Variants in DNAJC8 observed in about 807,000 individuals in gnomAD.
The protein encoded by DNAJC8 is DnaJ heat shock protein family (Hsp40) member C8.
A neutral mutation model predicts 43.2 loss-of-function variants in DNAJC8; 24 were observed. That is an observed-to-expected ratio of 0.56 (90% CI 0.40 to 0.78). DNAJC8 has a LOEUF of 0.78. DNAJC8 is among the 30% of genes least tolerant of loss of function. DNAJC8 has a pLI of 0.00. For synonymous variants in DNAJC8, 83 were observed against 98.0 expected (o/e 0.85, Z 0.90); for missense variants, 207 against 299.4 (o/e 0.69, Z 2.28).
intron 1 of DNAJC8, among the ~76,000 whole-genome samples, chr1:28,232,128 G>T (rs1646980485): frequency 6.6e-6 from 1 of 151,672 alleles, no homozygotes; most frequent in African/African-American, 2.4e-5. Context: ...AAAATGGAGT[G>T]CAGTGGTCCG....
intron 8 of DNAJC8, among the ~76,000 whole-genome samples, chr1:28,203,052 C>T (rs1279864560): frequency 6.6e-6 from 1 of 152,236 alleles, no homozygotes; most frequent in Admixed American, 6.5e-5. Flanking sequence ...CCCCCCAAAA[C>T]TTGGATGGCT....
intron 3 of DNAJC8, among the ~76,000 whole-genome samples, chr1:28,211,941 A>G (rs1363294960): frequency 1.3e-5 from 2 of 151,608 alleles, no homozygotes; most frequent in Non-Finnish European, 2.9e-5. Context: ...AGATCACTTG[A>G]GGTCAGGAGT....
intron 7 of DNAJC8, among the ~76,000 whole-genome samples, chr1:28,204,738 TC>T (rs1249726530): frequency 1.3e-5 from 2 of 151,600 alleles, no homozygotes; most frequent in Non-Finnish European, 2.9e-5. Context: ...ATAAATAAAC[TC>T]CCTGGCAGCA....
intron 2 of DNAJC8, among the ~76,000 whole-genome samples, chr1:28,220,835 C>A (rs1646893410): frequency 6.6e-6 from 1 of 152,134 alleles, no homozygotes; most frequent in Admixed American, 6.5e-5. Context: ...AACATGGCTC[C>A]AAGCACACAG....
chr1:28,228,969 T>G lies in DNAJC8; in HGVS notation c.133A>C (p.Arg45=), dbSNP rs1239930640. The change falls in exon 2 of 9, where the codon AGA becomes CGA. Residue 45 remains arginine (R), a synonymous_variant. Transcript: ENST00000263697. ...TAAGAGGAACCAGGACGGGTCAGTC[T>G]TTCAATCTGATTTTTCGAAGTTAGA... is the stretch of plus-strand genomic sequence containing the variant. ...SVLTSKNQIE[R]LTRPGSSYFN... 5.6e-6 allele frequency: 9 copies of G among 1,613,862 alleles called. No individual in the cohort carries two copies. Among genetic ancestry groups the G allele is most frequent in the Non-Finnish European group, 7.6e-6 (9 of 1,180,008 alleles).
intron 2 of DNAJC8, among the ~76,000 whole-genome samples, chr1:28,228,263 T>TG (rs1205723778): frequency 6.8e-6 from 1 of 147,998 alleles, no homozygotes; most frequent in East Asian, 2.0e-4. Flanking sequence ...GCAGGAGAAT[T>TG]GCTTGAACCT....
intron 1 of DNAJC8, among the ~76,000 whole-genome samples, chr1:28,229,795 A>G (rs1292509582): frequency 6.6e-6 from 1 of 152,148 alleles, no homozygotes; most frequent in African/African-American, 2.4e-5. Context: ...AAAAAAAGTA[A>G]GAGATTTCTC....
chr1:28,205,567 C>CT (rs1646762862), intron 6 of DNAJC8, among the ~76,000 whole-genome samples: 2 of 152,294 alleles, frequency 1.3e-5, no homozygotes, highest in South Asian at 4.1e-4. Context: ...TAGTGAAACT[C>CT]TATTGCTACA....
At chr1:28,223,280 C>G (rs1421433280) in intron 2 of DNAJC8, among the ~76,000 whole-genome samples, 1 of 152,044 alleles carries the variant, frequency 6.6e-6, no homozygotes, top group East Asian at 1.9e-4. Context: ...AAAGCCAGAG[C>G]AGGGTAGGGA....
rs201782610 is a variant in DNAJC8, at chr1:28,212,168, AATATATATATATATAT to A, written c.238-1547_238-1532del. ...CGGACTCCGTCTCAATAAATAAATA[AATATATATATATATAT>A]ATATATATATATATATATATATATA... On this transcript the variant is annotated intron_variant, in intron 3 of 8. Coordinates refer to ENST00000263697, the MANE Select transcript of DNAJC8 (RefSeq NM_014280.3). Among the ~76,000 whole-genome samples, 114 of 31,034 alleles carry A rather than the reference AATATATATATATATAT, an allele frequency of 3.7e-3. 5 individuals carry two copies. The East Asian group carries it at 0.047, about 13-fold the overall frequency. The allele number at this position is 31,034 out of a possible 152,430, so 20.4% of individuals were successfully genotyped here.
At chr1:28,227,821 G>C (rs1646947685) in intron 2 of DNAJC8, among the ~76,000 whole-genome samples, 1 of 152,146 alleles carries the variant, frequency 6.6e-6, no homozygotes, top group Non-Finnish European at 1.5e-5. Flanking sequence ...AAAACAGTTT[G>C]AGTGTAAACA....
At chr1:28,208,286 C>T (rs1182267050) in intron 6 of DNAJC8, 56 bp downstream of exon 6, 1 of 1,384,210 alleles carries the variant, frequency 7.2e-7, no homozygotes, top group African/African-American at 1.4e-5. Flanking sequence ...CTGTAACCCA[C>T]CAATTCGTAG....
At position 28,205,340 on chromosome 1, in the gene DNAJC8, C is replaced by T. The variant is rs1329654362; in HGVS notation, c.481G>A (p.Ala161Thr). Reference sequence around the variant, plus strand: ...AGTTTCATTGTCTGTTTATATACAGCTTGTTTGAACTACAGGAAAATCAAG... The same window carrying T: ...AGTTTCATTGTCTGTTTATATACAGTTTGTTTGAACTACAGGAAAATCAAG... ...EEDDPELFKQ[A>T]VYKQTMKLFA... Residue 161 changes from alanine (A) to threonine (T), a missense_variant, in exon 7 of 9, where the codon GCT (alanine) becomes ACT (threonine). Ala to Thr is a moderately conservative substitution (Grantham distance 58). Around this residue, in one of 2 missense-constraint regions of DNAJC8, gnomAD observed 159 missense variants for 267.5 expected, o/e 0.59. Coordinates refer to ENST00000263697, the MANE Select transcript of DNAJC8 (RefSeq NM_014280.3). 1.2e-6 allele frequency: 2 copies of T among 1,603,564 alleles called. No individual in the cohort carries two copies. The highest frequency in any genetic ancestry group is 1.7e-6 in the Non-Finnish European group (2 of 1,176,876).
intron 1 of DNAJC8, among the ~76,000 whole-genome samples, chr1:28,229,690 C>A (rs1354146548): frequency 1.3e-5 from 2 of 151,762 alleles, no homozygotes; most frequent in African/African-American, 4.8e-5. Flanking sequence ...AGGAGAATCG[C>A]TTGAACCCCA....
rs1646840724 is a variant in DNAJC8, at chr1:28,214,945, G to A, written c.232C>T (p.Arg78Trp). The stretch of plus-strand genomic sequence containing the variant: ...ACAGGGAAATAGTACTGTACCTGCC[G>A]AAACCTCTTTTTTATTTCTTCATCT... The part of the protein sequence containing the change: ...VTDEEIKKRF[R>W]QLSILVHPDK... The change falls in exon 3 of 9, where the codon CGG becomes TGG. Residue 78 changes from arginine to tryptophan, a missense_variant. This residue lies in a region of DNAJC8 where 159 missense variants were observed against 267.5 expected (regional missense o/e 0.59). Coordinates refer to ENST00000263697, the MANE Select transcript of DNAJC8 (RefSeq NM_014280.3). 1 of 1,607,702 alleles carries A rather than the reference G, an allele frequency of 6.2e-7. No homozygotes were observed. Among genetic ancestry groups the A allele is most frequent in the Non-Finnish European group, 8.5e-7 (1 of 1,176,636 alleles).
At chr1:28,213,446 C>A in intron 3 of DNAJC8, among the ~76,000 whole-genome samples, 1 of 151,060 alleles carries the variant, frequency 6.6e-6, no homozygotes, top group East Asian at 1.9e-4. Flanking sequence ...ATTACGTAGA[C>A]CAAGTTAAAA....
intron 7 of DNAJC8, among the ~76,000 whole-genome samples, chr1:28,204,993 A>C (rs1220894711): frequency 2.0e-5 from 3 of 152,236 alleles, no homozygotes; most frequent in Non-Finnish European, 4.4e-5. Context: ...ACTGCATTCC[A>C]GCCTGGCTAC....
intron 2 of DNAJC8, among the ~76,000 whole-genome samples, chr1:28,227,757 AAAGAAG>A (rs971197662): frequency 3.3e-5 from 5 of 152,100 alleles, no homozygotes; most frequent in Admixed American, 2.0e-4. Context: ...TAAAAAAGAA[AAAGAAG>A]AAGAAGAAGA....
intron 8 of DNAJC8, among the ~76,000 whole-genome samples, chr1:28,202,085 C>T (rs1396561080): frequency 2.0e-5 from 3 of 151,774 alleles, no homozygotes; most frequent in African/African-American, 7.3e-5. Context: ...GGCAAAACTC[C>T]GTCTCAAAAA....
Sources: allele counts gnomAD v4.1 joint callset (sites outside exome capture counted in the v4.1 genomes callset), GRCh38; gene constraint gnomAD v4.1.1; regional missense constraint gnomAD v4.1.1; transcripts MANE v1.5; gene names NCBI Gene and HGNC (gene_info 2026-07-23, HGNC 2026-07-21).